LARGE1: variants seen among roughly 807,000 people sequenced by gnomAD.
The protein encoded by LARGE1 is xylosyl- and glucuronyltransferase LARGE1.
Under a neutral mutation model 87.6 loss-of-function variants are expected in LARGE1, and 43 were observed. The ratio of observed to expected loss-of-function variants is 0.49; its 90% CI spans 0.38 to 0.63. The LOEUF (loss-of-function observed/expected upper bound fraction) is 0.63, where lower values mean the gene tolerates loss of function less well. Ranked by LOEUF, LARGE1 falls within the 30% of genes least tolerant of loss-of-function variation. The pLI is 0.00. For missense variants in LARGE1, 802 were observed against 1,000.2 expected, an observed-to-expected ratio of 0.80 and a Z score of 2.67; for synonymous variants, 434 against 394.6, an observed-to-expected ratio of 1.10 and a Z score of -1.18.
At chr22:33,151,181 G>A in the LARGE1 span, among the ~76,000 whole-genome samples, 2 of 151,986 alleles carry the variant, frequency 1.3e-5, no homozygotes, top group Non-Finnish European at 2.9e-5. Context: ...TTCATTAGAC[G>A]TTTATGTAAG....
chr22:33,218,375 T>G (rs768648490), intron 11 of LARGE1, among the ~76,000 whole-genome samples: 2 of 152,232 alleles, frequency 1.3e-5, no homozygotes, highest in African/African-American at 2.4e-5. Flanking sequence ...ATACCATTGT[T>G]TTTGCTTGGA....
chr22:33,803,748 A>T (rs1402548764), intron 1 of LARGE1, among the ~76,000 whole-genome samples: 2 of 152,222 alleles, frequency 1.3e-5, no homozygotes, highest in African/African-American at 2.4e-5. Flanking sequence ...CACGTGTGAA[A>T]ACATGTTTAC....
intron 6 of LARGE1, among the ~76,000 whole-genome samples, chr22:33,518,122 G>A: frequency 6.6e-6 from 1 of 152,230 alleles, no homozygotes; most frequent in Admixed American, 6.5e-5. Flanking sequence ...CTTAAGCCAA[G>A]AAGCTAGAAT....
In LARGE1 at chr22:33,650,437, T is replaced by C. The variant is rs1262275237; in HGVS notation, c.338A>G (p.Asn113Ser). ...GCCTGCCACGATGCCAGCCCGAAGG[T>C]TCTCGCTGTCTCCAGTGCCCTCCTC... is the stretch of plus-strand genomic sequence containing the variant. ...SMEEGTGDSE[N>S]LRAGIVAGNS... The change falls in exon 3 of 15, where the codon AAC (asparagine) becomes AGC (serine). Residue 113 changes from asparagine (N) to serine (S), a missense_variant. Physicochemically the swap from Asn to Ser is conservative, Grantham distance 46 (BLOSUM62 1). This residue lies in a region of LARGE1 where 177 missense variants were observed against 158.3 expected (regional missense o/e 1.12). Transcript: ENST00000397394. 1 of 1,614,094 alleles carries C rather than the reference T, an allele frequency of 6.2e-7. No homozygotes were observed. The highest frequency in any genetic ancestry group is 8.5e-7 in the Non-Finnish European group (1 of 1,180,038).
At chr22:33,611,706 T>C (rs1005509315) in intron 4 of LARGE1, among the ~76,000 whole-genome samples, 3 of 152,194 alleles carry the variant, frequency 2.0e-5, no homozygotes, top group Non-Finnish European at 2.9e-5. Flanking sequence ...GAGGAGGACA[T>C]GACATTTCGG....
At chr22:33,535,125 C>T (rs778274139) in intron 6 of LARGE1, among the ~76,000 whole-genome samples, 5 of 152,176 alleles carry the variant, frequency 3.3e-5, no homozygotes, top group Non-Finnish European at 7.4e-5. Context: ...TGAGGGGCCT[C>T]CCCCGTCAGG....
intron 7 of LARGE1, among the ~76,000 whole-genome samples, chr22:33,415,964 G>C (rs1410151204): frequency 2.6e-5 from 4 of 152,244 alleles, no homozygotes; most frequent in East Asian, 1.9e-4. Context: ...GACATGACAG[G>C]AGCCTCTTGT....
At chr22:33,390,280 G>A (rs1282877465) in intron 7 of LARGE1, among the ~76,000 whole-genome samples, 15 of 152,184 alleles carry the variant, frequency 9.9e-5, no homozygotes, top group Admixed American at 9.8e-4. Context: ...TTCACTCTCA[G>A]CTTCCTGAGC....
chr22:33,230,139 G>A (rs1925935775), intron 11 of LARGE1, among the ~76,000 whole-genome samples: 2 of 149,730 alleles, frequency 1.3e-5, no homozygotes, highest in South Asian at 4.2e-4. Context: ...AGCCTCCCTA[G>A]TAGCTGGGAC....
At chr22:33,158,076 T>C (rs1921923864), downstream of LARGE1, among the ~76,000 whole-genome samples, 1 of 152,138 alleles carries the variant, frequency 6.6e-6, no homozygotes. Flanking sequence ...GTGTATTGTA[T>C]ATTTAAAATA....
chr22:33,329,374 C>T (rs1479471182), intron 10 of LARGE1, among the ~76,000 whole-genome samples: 5 of 151,244 alleles, frequency 3.3e-5, no homozygotes, highest in Admixed American at 6.6e-5. Flanking sequence ...TTTAACATAA[C>T]AACAGATCAT....
intron 11 of LARGE1, among the ~76,000 whole-genome samples, chr22:33,173,811 C>A (rs1285213183): frequency 1.3e-5 from 2 of 152,140 alleles, no homozygotes; most frequent in Non-Finnish European, 1.5e-5. Context: ...TATATATGCA[C>A]CCAATACAAG....
chr22:33,657,583 A>G (rs1195026124), intron 2 of LARGE1, among the ~76,000 whole-genome samples: 1 of 152,022 alleles, frequency 6.6e-6, no homozygotes, highest in Non-Finnish European at 1.5e-5. Flanking sequence ...TTATTTCCAA[A>G]CACAAGCAGA....
At chr22:33,472,830 C>T (rs1356946738) in intron 6 of LARGE1, among the ~76,000 whole-genome samples, 3 of 152,198 alleles carry the variant, frequency 2.0e-5, no homozygotes, top group Non-Finnish European at 4.4e-5. Flanking sequence ...AAGAGCTGCT[C>T]GTCATTTTGT....
chr22:33,903,788 G>A (rs11912965), intron 1 of LARGE1, among the ~76,000 whole-genome samples: 8,701 of 152,130 alleles, frequency 0.057, 312 homozygotes, highest in African/African-American at 0.089. Flanking sequence ...TCGCACCACT[G>A]CACCCTAGCC....
At chr22:33,276,936 G>T in intron 14 of LARGE1, 124 bp downstream of exon 14, 2 of 920,894 alleles carry the variant, frequency 2.2e-6, no homozygotes, top group Non-Finnish European at 3.5e-6. Context: ...TACTACCACT[G>T]GTCCTCAAGC....
intron 6 of LARGE1, among the ~76,000 whole-genome samples, chr22:33,483,507 G>T (rs2069423877): frequency 6.6e-6 from 1 of 152,106 alleles, no homozygotes; most frequent in Admixed American, 6.5e-5. Flanking sequence ...AAGGACAGAG[G>T]TAAAAGAGCA....
chr22:33,087,060 GTTTC>G, the LARGE1 span, among the ~76,000 whole-genome samples: 8 of 151,832 alleles, frequency 5.3e-5, no homozygotes, highest in Admixed American at 2.6e-4. Context: ...TTTCTGTTTT[GTTTC>G]TTTCTTTTTT....
chr22:33,852,869 A>G (rs1293153577), intron 1 of LARGE1, among the ~76,000 whole-genome samples: 1 of 115,412 alleles, frequency 8.7e-6, no homozygotes, highest in Non-Finnish European at 1.6e-5. Flanking sequence ...AAAAAAAAAA[A>G]AAAAAAAAAA....
Sources: allele counts gnomAD v4.1 joint callset (sites outside exome capture counted in the v4.1 genomes callset), GRCh38; gene constraint gnomAD v4.1.1; regional missense constraint gnomAD v4.1.1; transcripts MANE v1.5; gene names NCBI Gene and HGNC (gene_info 2026-07-23, HGNC 2026-07-21).